Variants in NRG1 observed in about 807,000 individuals in gnomAD.
The protein encoded by NRG1 is neuregulin 1.
NRG1 carries 18 observed loss-of-function variants against 63.8 expected under a neutral mutation model. That is an observed-to-expected ratio of 0.28 (90% CI 0.19 to 0.42). The LOEUF is 0.42. NRG1 is among the 10% of genes least tolerant of loss of function. The pLI, the probability that NRG1 is intolerant of heterozygous loss-of-function variation, is 1.00. For synonymous variants in NRG1, 302 were observed against 301.3 expected, an observed-to-expected ratio of 1.00 and a Z score of -0.02; for missense variants, 762 against 814.7, an observed-to-expected ratio of 0.94 and a Z score of 0.79.
intron 1 of NRG1, among the ~76,000 whole-genome samples, chr8:32,439,771 A>AT (rs11306096): frequency 0.017 from 2,305 of 133,458 alleles, 60 homozygotes; most frequent in African/African-American, 0.057. Flanking sequence ...CGAATAAGTG[A>AT]TTTTTTTTTT....
chr8:31,791,656 T>G (rs1820723620), intron 1 of NRG1, among the ~76,000 whole-genome samples: 1 of 152,300 alleles, frequency 6.6e-6, no homozygotes, highest in East Asian at 1.9e-4. Flanking sequence ...TGAGGTTTTC[T>G]TGAGCTGTTT....
chr8:31,660,200 T>A (rs1227861211), intron 1 of NRG1, among the ~76,000 whole-genome samples: 1 of 152,200 alleles, frequency 6.6e-6, no homozygotes, highest in African/African-American at 2.4e-5. Flanking sequence ...TACTTGTTGA[T>A]TATTTGCTGC....
intron 1 of NRG1, among the ~76,000 whole-genome samples, chr8:32,023,196 T>G (rs1191773359): frequency 6.6e-6 from 1 of 152,214 alleles, no homozygotes; most frequent in Non-Finnish European, 1.5e-5. Context: ...TTTACACACA[T>G]TACCTTACAT....
At chr8:31,822,846 T>A (rs1303581474) in intron 1 of NRG1, among the ~76,000 whole-genome samples, 1 of 152,204 alleles carries the variant, frequency 6.6e-6, no homozygotes, top group Non-Finnish European at 1.5e-5. Flanking sequence ...ATGAAGTTTA[T>A]TTTTAGCAGC....
intron 1 of NRG1, among the ~76,000 whole-genome samples, chr8:32,554,055 G>A (rs1834636301): frequency 6.6e-6 from 1 of 152,124 alleles, no homozygotes; most frequent in Non-Finnish European, 1.5e-5. Flanking sequence ...AGTATTTTGG[G>A]TGAGTCACTT....
intron 1 of NRG1, among the ~76,000 whole-genome samples, chr8:32,471,422 C>A (rs112607098): frequency 1.1e-3 from 160 of 152,198 alleles, no homozygotes; most frequent in African/African-American, 3.7e-3. Context: ...GTGGGTTGTT[C>A]TAATCGACTT....
intron 1 of NRG1, among the ~76,000 whole-genome samples, chr8:32,293,426 C>T (rs1435211272): frequency 1.3e-5 from 2 of 152,070 alleles, no homozygotes; most frequent in Non-Finnish European, 2.9e-5. Context: ...CTGGAGCCTC[C>T]GGAGGAAGCA....
At position 31,962,105 on chromosome 8, in the gene NRG1, A is replaced by C. The variant is rs557557864; in HGVS notation, c.37+322674A>C. On this transcript the variant is annotated intron_variant, in intron 1 of 10. Transcript: ENST00000519301. ...TTCTTCAAACCGTGTAGAAATAACT[A>C]TCAGGAAATAAGTGGTTATAATTTT... Among the ~76,000 whole-genome samples, 4 of 152,274 alleles carry C rather than the reference A, an allele frequency of 2.6e-5. No individual in the cohort carries two copies. In the South Asian group the frequency reaches 6.2e-4, roughly 24 times the overall value.
At chr8:31,725,070 T>C (rs951773185) in intron 1 of NRG1, among the ~76,000 whole-genome samples, 30 of 152,220 alleles carry the variant, frequency 2.0e-4, no homozygotes, top group African/African-American at 7.0e-4. Context: ...TGAAATGTTA[T>C]TTTTCTCTTG....
intron 7 of NRG1, among the ~76,000 whole-genome samples, chr8:32,746,027 A>C (rs947323013): frequency 6.6e-6 from 1 of 152,176 alleles, no homozygotes; most frequent in African/African-American, 2.4e-5. Context: ...CTTGTTCATC[A>C]AACATGTATC....
At chr8:32,449,858 G>C (rs1490733805) in intron 1 of NRG1, among the ~76,000 whole-genome samples, 1 of 152,268 alleles carries the variant, frequency 6.6e-6, no homozygotes, top group Middle Eastern at 3.4e-3. Flanking sequence ...ATTCATGAAA[G>C]GGAAGAGGGA....
intron 5 of NRG1, among the ~76,000 whole-genome samples, chr8:32,680,809 G>A (rs558281107): frequency 5.1e-4 from 78 of 151,988 alleles, no homozygotes; most frequent in African/African-American, 1.9e-3. Context: ...GGAGGATAGA[G>A]GCATTATGTT....
chr8:32,462,684 A>G (rs1220811418), intron 1 of NRG1, among the ~76,000 whole-genome samples: 1 of 142,722 alleles, frequency 7.0e-6, no homozygotes, highest in East Asian at 2.0e-4. Context: ...GCTCACTGCA[A>G]CTTCTGCCTC....
chr8:31,746,737 C>T (rs184857754), intron 1 of NRG1, among the ~76,000 whole-genome samples: 45 of 151,938 alleles, frequency 3.0e-4, no homozygotes, highest in Non-Finnish European at 5.4e-4. Flanking sequence ...TTGACAGTAG[C>T]TAAGATTTGG....
intron 1 of NRG1, among the ~76,000 whole-genome samples, chr8:32,010,857 T>G (rs1450622856): frequency 6.6e-6 from 1 of 152,094 alleles, no homozygotes; most frequent in Non-Finnish European, 1.5e-5. Context: ...TTGCAGAACT[T>G]AATGTACCAA....
chr8:31,737,746 G>A (rs935949255), intron 1 of NRG1, among the ~76,000 whole-genome samples: 1 of 152,026 alleles, frequency 6.6e-6, no homozygotes, highest in Admixed American at 6.6e-5. Flanking sequence ...CATGCCTGAG[G>A]GAAATTGTCC....
At position 31,722,335 on chromosome 8, in the gene NRG1, A is replaced by T. The variant is rs116898849; in HGVS notation, c.37+82904A>T. Among the ~76,000 whole-genome samples, 588 of 152,132 alleles carry T rather than the reference A, an allele frequency of 3.9e-3. 1 individual carries two copies. The highest frequency in any genetic ancestry group is 0.019 in the South Asian group (92 of 4,814). On this transcript the variant is annotated intron_variant, in intron 1 of 10. Transcript: ENST00000519301. Reference sequence around the variant, plus strand: ...TCCTGGCTCTTTGACACTGGGCATCAGTGTCATGTCCCCAGTGTCTAATGT... The same window carrying T: ...TCCTGGCTCTTTGACACTGGGCATCTGTGTCATGTCCCCAGTGTCTAATGT...
intron 5 of NRG1, among the ~76,000 whole-genome samples, chr8:32,689,090 G>A (rs975910342): frequency 7.2e-5 from 11 of 152,136 alleles, no homozygotes; most frequent in Non-Finnish European, 1.6e-4. Flanking sequence ...AAAAGCAACC[G>A]TACAGCCAAC....
At chr8:32,743,795 A>G (rs1475350305) in intron 7 of NRG1, among the ~76,000 whole-genome samples, 1 of 151,940 alleles carries the variant, frequency 6.6e-6, no homozygotes, top group Non-Finnish European at 1.5e-5. Context: ...TAAAATGCAT[A>G]TCATGTAGTT....
Sources: allele counts gnomAD v4.1 joint callset (sites outside exome capture counted in the v4.1 genomes callset), GRCh38; gene constraint gnomAD v4.1.1; transcripts MANE v1.5; gene names NCBI Gene and HGNC (gene_info 2026-07-23, HGNC 2026-07-21).